MAP4K3: variants seen among roughly 807,000 people sequenced by gnomAD.
MAP4K3 encodes mitogen-activated protein kinase kinase kinase kinase 3, also known as MAPK/ERK kinase kinase kinase 3.
Under a neutral mutation model 143.5 loss-of-function variants are expected in MAP4K3, and 94 were observed. The observed-to-expected ratio is 0.65, with a 90% CI of 0.55 to 0.78. The LOEUF is 0.78. Among genes scored for constraint, MAP4K3 ranks in the 30% least tolerant of loss-of-function variants. MAP4K3 has a pLI of 0.00. For synonymous variants in MAP4K3, 416 were observed against 347.2 expected, an observed-to-expected ratio of 1.20 and a Z score of -2.20; for missense variants, 1,077 against 1,068.1, an observed-to-expected ratio of 1.01 and a Z score of -0.12.
chr2:39,409,146 T>G (rs1667171593), intron 1 of MAP4K3, among the ~76,000 whole-genome samples: 1 of 152,214 alleles, frequency 6.6e-6, no homozygotes, highest in Non-Finnish European at 1.5e-5. Context: ...ATGATCTACT[T>G]CCACTTAAGG....
intron 12 of MAP4K3, chr2:39,323,943 A>C (rs1463464338): frequency 3.9e-5 from 6 of 152,366 alleles, no homozygotes; most frequent in African/African-American, 1.4e-4. Flanking sequence ...GTCATGAAAC[A>C]ATTATAATTT....
intron 2 of MAP4K3, among the ~76,000 whole-genome samples, chr2:39,372,755 A>AC (rs1430702235): frequency 6.6e-6 from 1 of 152,048 alleles, no homozygotes; most frequent in African/African-American, 2.4e-5. Flanking sequence ...CTGAAACTAG[A>AC]CCCCCTTCCT....
intron 21 of MAP4K3, among the ~76,000 whole-genome samples, chr2:39,285,461 A>C (rs1331231746): frequency 6.6e-6 from 1 of 152,194 alleles, no homozygotes; most frequent in Non-Finnish European, 1.5e-5. Flanking sequence ...TTGTACTATT[A>C]TGTTAGCAGG....
At chr2:39,312,638 G>A (rs1037034728) in intron 13 of MAP4K3, among the ~76,000 whole-genome samples, 5 of 152,178 alleles carry the variant, frequency 3.3e-5, no homozygotes, top group African/African-American at 1.2e-4. Context: ...ATGCTTTTAA[G>A]CTGTTAATGG....
At chr2:39,355,298 G>C (rs762311945) in intron 3 of MAP4K3, among the ~76,000 whole-genome samples, 28 of 147,026 alleles carry the variant, frequency 1.9e-4, no homozygotes, top group Non-Finnish European at 3.8e-4. Flanking sequence ...GAGGTGGAAG[G>C]TGCGGTGAGC....
intron 3 of MAP4K3, among the ~76,000 whole-genome samples, chr2:39,354,813 T>C (rs1445833060): frequency 1.3e-5 from 2 of 152,220 alleles, no homozygotes; most frequent in Non-Finnish European, 2.9e-5. Context: ...CAGAATACCC[T>C]AGTCTTTTCT....
intron 6 of MAP4K3, among the ~76,000 whole-genome samples, chr2:39,334,075 G>A (rs1239354303): frequency 6.6e-6 from 1 of 151,466 alleles, no homozygotes; most frequent in African/African-American, 2.4e-5. Flanking sequence ...GTACCTTGCT[G>A]CTTAGTACAT....
chr2:39,297,990 G>A (rs1207395505), intron 16 of MAP4K3, among the ~76,000 whole-genome samples: 1 of 152,018 alleles, frequency 6.6e-6, no homozygotes, highest in Admixed American at 6.6e-5. Flanking sequence ...AAAGCATTTA[G>A]TGAGGGGCTA....
intron 1 of MAP4K3, among the ~76,000 whole-genome samples, chr2:39,404,618 T>C (rs1469378518): frequency 5.6e-5 from 2 of 36,016 alleles, no homozygotes; most frequent in South Asian, 1.5e-3. Flanking sequence ...TCTTTCTTTC[T>C]TTTTTTTTTT....
intron 8 of MAP4K3, among the ~76,000 whole-genome samples, chr2:39,331,546 T>C (rs1225753397): frequency 6.6e-6 from 1 of 152,030 alleles, no homozygotes; most frequent in Non-Finnish European, 1.5e-5. Context: ...ACTTGAATAA[T>C]GTAATGTTGA....
chr2:39,331,519 GT>G (rs1198416963), intron 8 of MAP4K3, among the ~76,000 whole-genome samples: 1 of 152,030 alleles, frequency 6.6e-6, no homozygotes, highest in Non-Finnish European at 1.5e-5. Flanking sequence ...ATGCCAAAAA[GT>G]TTTTAGCAAA....
chr2:39,269,352 C>T (rs1309090147), intron 26 of MAP4K3, among the ~76,000 whole-genome samples: 15 of 151,814 alleles, frequency 9.9e-5, no homozygotes. Flanking sequence ...ATAATTTTAG[C>T]TTCATTTACT....
intron 23 of MAP4K3, among the ~76,000 whole-genome samples, 157 bp downstream of exon 23, chr2:39,280,115 G>A (rs1055550023): frequency 6.6e-6 from 1 of 151,748 alleles, no homozygotes; most frequent in Non-Finnish European, 1.5e-5. Flanking sequence ...ACTGATAACA[G>A]CACAAAGAAA....
At chr2:39,359,391 T>C (rs1665702456) in intron 2 of MAP4K3, among the ~76,000 whole-genome samples, 1 of 152,186 alleles carries the variant, frequency 6.6e-6, no homozygotes, top group Non-Finnish European at 1.5e-5. Context: ...CCCTGTAGCT[T>C]TGCAGGGTAC....
chr2:39,254,725 C>T (rs913277518), intron 31 of MAP4K3, among the ~76,000 whole-genome samples: 3 of 152,024 alleles, frequency 2.0e-5, no homozygotes, highest in Non-Finnish European at 4.4e-5. Context: ...AAAAATTCAC[C>T]GAAAATATTT....
At chr2:39,262,290 C>T (rs1284411003) in intron 28 of MAP4K3, among the ~76,000 whole-genome samples, 1 of 152,304 alleles carries the variant, frequency 6.6e-6, no homozygotes, top group African/African-American at 2.4e-5. Flanking sequence ...TGTTCACCTG[C>T]TGTTCCTACA....
intron 2 of MAP4K3, among the ~76,000 whole-genome samples, chr2:39,361,078 T>C (rs1665755967): frequency 6.6e-6 from 1 of 152,148 alleles, no homozygotes; most frequent in South Asian, 2.1e-4. Context: ...AATCAGAATA[T>C]CTAATTATAA....
intron 16 of MAP4K3, among the ~76,000 whole-genome samples, chr2:39,297,438 A>G (rs909445384): frequency 1.3e-5 from 2 of 152,186 alleles, no homozygotes; most frequent in African/African-American, 4.8e-5. Flanking sequence ...TTTTAAAAAT[A>G]GTATTTTGTT....
At chr2:39,333,647 A>G in intron 6 of MAP4K3, 73 bp from the exon 7 acceptor site, 1 of 767,704 alleles carries the variant, frequency 1.3e-6, no homozygotes, top group Non-Finnish European at 2.1e-6. Context: ...TAATAAATAT[A>G]CATATTTAAA....
Sources: gnomAD v4.1 joint callset for allele counts (sites outside exome capture counted in the v4.1 genomes callset) on GRCh38, gnomAD v4.1.1 for gene constraint, MANE v1.5 for transcripts, NCBI Gene and HGNC (gene_info 2026-07-23, HGNC 2026-07-21) for gene names.